The following EML6 variants were observed in gnomAD, a reference collection of about 807,000 sequenced individuals.
EML6 encodes EMAP like 6.
EML6 carries 154 observed loss-of-function variants against 240.1 expected under a neutral mutation model. The ratio of observed to expected loss-of-function variants is 0.64; its 90% confidence interval spans 0.56 to 0.73. The LOEUF is 0.73. Ranked by LOEUF, EML6 falls within the 30% of genes least tolerant of loss-of-function variation. EML6 has a pLI of 0.00. For missense variants in EML6, 2,964 were observed against 2,474.6 expected, an observed-to-expected ratio of 1.20 and a Z score of -4.20; for synonymous variants, 1,148 against 899.0, an observed-to-expected ratio of 1.28 and a Z score of -4.95.
Position 54,725,103 on chromosome 2 carries a change from G to A in EML6, c.42G>A (p.Glu14=). 6.5e-7 allele frequency: 1 copy of A among 1,534,060 alleles called. No homozygotes were observed. The highest frequency in any genetic ancestry group is 2.0e-5 in the Admixed American group (1 of 49,652). ...CGCCCCGCTGCCAGCTCCGGCTGGA[G>A]TGGGTGTACGGGTACCGGGGTCACC... ...RTAPRCQLRL[E]WVYGYRGHQC... Residue 14 remains glutamate (E), a synonymous_variant, in exon 2 of 42, where the codon GAG becomes GAA. Transcript: ENST00000356458. The surrounding 1 kb of genome is among the most constrained non-coding windows in gnomAD (Gnocchi z 4.3).
chr2:54,775,991 A>G (rs551384707), intron 2 of EML6, among the ~76,000 whole-genome samples: 1 of 152,140 alleles, frequency 6.6e-6, no homozygotes, highest in African/African-American at 2.4e-5. Flanking sequence ...TTGGTTTGCC[A>G]TTATGTATTC....
At chr2:54,865,464 T>A (rs963273892) in intron 13 of EML6, among the ~76,000 whole-genome samples, 3 of 152,162 alleles carry the variant, frequency 2.0e-5, no homozygotes, top group African/African-American at 7.2e-5. Flanking sequence ...ACCCTGTCTC[T>A]AAGAAAAATA....
rs80129390 is a variant in EML6, at chr2:54,778,580, T to A, written c.198-34652T>A. 3.9e-3 allele frequency among the ~76,000 whole-genome samples: 588 copies of A among 152,130 alleles called. 2 individuals are homozygous for A. Among genetic ancestry groups the A allele is most frequent in the Non-Finnish European group, 4.4e-3 (296 of 67,968 alleles). On this transcript the variant is annotated intron_variant, in intron 2 of 41. Coordinates refer to ENST00000356458, the MANE Select transcript of EML6 (RefSeq NM_001039753.4). ...CTTTTTATTGTGGAAGAGAAAAAAC[T>A]AAAATATAATTAGAAGTGCATTGTT...
At chr2:54,916,994 G>A in intron 26 of EML6, 59 bp downstream of exon 26, 1 of 1,274,366 alleles carries the variant, frequency 7.8e-7, no homozygotes, top group Non-Finnish European at 1.1e-6. Flanking sequence ...CTTAAATATT[G>A]TATCTAAGTG....
chr2:54,742,535 C>T (rs1452878815), intron 2 of EML6, among the ~76,000 whole-genome samples: 2 of 152,220 alleles, frequency 1.3e-5, no homozygotes, highest in East Asian at 3.8e-4. Context: ...AAACACGTCT[C>T]AATTCTGCTA....
rs1668240284 is a variant in EML6, at chr2:54,767,634, G to GTGTA, written c.197+42379_197+42380insATGT. On this transcript the variant is annotated intron_variant, in intron 2 of 41. Transcript: ENST00000356458. ...TGTGTGTGTGTGTGTGTGTGTGTAT[G>GTGTA]TGTGTGTGTGTATGTTGCAAAAATA... 2.8e-5 allele frequency among the ~76,000 whole-genome samples: 3 copies of GTGTA among 106,986 alleles called. No individual in the cohort carries two copies. The South Asian group carries it at 1.0e-3, about 36-fold the overall frequency. The allele number at this position is 106,986 out of a possible 152,430, so 70.2% of individuals were successfully genotyped here. A position where few individuals can be genotyped will look rare whatever the true frequency, so the allele number is the denominator to read the frequency against.
chr2:54,772,816 T>C (rs1470328339), intron 2 of EML6, among the ~76,000 whole-genome samples: 2 of 152,240 alleles, frequency 1.3e-5, no homozygotes, highest in Non-Finnish European at 2.9e-5. Flanking sequence ...CACAGGACTG[T>C]TAACAGCTGT....
intron 14 of EML6, 109 bp downstream of exon 14, chr2:54,866,993 C>A: frequency 3.3e-6 from 2 of 612,752 alleles, no homozygotes; most frequent in South Asian, 2.2e-5. Flanking sequence ...TCGTCCTCCT[C>A]CTGGCTAGCT....
Position 54,900,836 on chromosome 2 carries a change from G to C in EML6, c.3124+1054G>C, listed in dbSNP as rs190386701. On this transcript the variant is annotated intron_variant, in intron 22 of 41. Coordinates refer to ENST00000356458, the MANE Select transcript of EML6 (RefSeq NM_001039753.4). ...GTGAAAGGACAAACTAAAGATATTT[G>C]GCACAAAGTACCCTGGAGCCTCAGA... is the stretch of plus-strand genomic sequence containing the variant. Among the ~76,000 whole-genome samples, 262 of 152,236 alleles carry C rather than the reference G, an allele frequency of 1.7e-3. 1 individual carries two copies. The highest frequency in any genetic ancestry group is 6.1e-3 in the African/African-American group (253 of 41,544).
rs529853262 is a variant in EML6 at position 54,831,507 on chromosome 2, G to A, written c.847+2030G>A. 6.6e-5 allele frequency among the ~76,000 whole-genome samples: 10 copies of A among 152,026 alleles called. No individual in the cohort carries two copies. The South Asian group carries it at 1.5e-3, about 22-fold the overall frequency. The stretch of plus-strand genomic sequence containing the variant: ...CATCTACAGAGTTAGGACAGTCAGC[G>A]ACGCCCTCCGTTATACATCAGTCTC... On this transcript the variant is annotated intron_variant, in intron 7 of 41. Coordinates refer to ENST00000356458, the MANE Select transcript of EML6 (RefSeq NM_001039753.4).
At chr2:54,857,026 G>C (rs1168564479) in intron 11 of EML6, among the ~76,000 whole-genome samples, 2 of 152,140 alleles carry the variant, frequency 1.3e-5, no homozygotes, top group African/African-American at 4.8e-5. Context: ...GGAAAAGAAA[G>C]TAATCAAGGA....
intron 32 of EML6, among the ~76,000 whole-genome samples, chr2:54,957,394 C>T (rs955703449): frequency 6.7e-6 from 1 of 148,890 alleles, no homozygotes; most frequent in African/African-American, 2.5e-5. Context: ...GAATGTGAGT[C>T]CCAGTGGCCC....
intron 28 of EML6, among the ~76,000 whole-genome samples, chr2:54,941,339 C>T (rs779433115): frequency 3.9e-5 from 6 of 152,072 alleles, no homozygotes; most frequent in Non-Finnish European, 8.8e-5. Context: ...CTTATTTAAT[C>T]AGGAGATCTG....
At chr2:54,895,965 A>G (rs1323359425) in intron 21 of EML6, among the ~76,000 whole-genome samples, 1 of 152,240 alleles carries the variant, frequency 6.6e-6, no homozygotes, top group Non-Finnish European at 1.5e-5. Context: ...ATAACATTCC[A>G]TTGCCTTTGC....
At chr2:54,935,478 T>C (rs1675088123) in intron 28 of EML6, among the ~76,000 whole-genome samples, 1 of 152,236 alleles carries the variant, frequency 6.6e-6, no homozygotes, top group African/African-American at 2.4e-5. Flanking sequence ...TGCATAACTT[T>C]TTAAAAATCA....
At chr2:54,778,485 C>A (rs1331101702) in intron 2 of EML6, among the ~76,000 whole-genome samples, 1 of 152,136 alleles carries the variant, frequency 6.6e-6, no homozygotes, top group Non-Finnish European at 1.5e-5. Context: ...TGAGGATTAC[C>A]ATCATGGCCA....
intron 32 of EML6, among the ~76,000 whole-genome samples, chr2:54,954,773 A>G (rs1676154692): frequency 6.6e-6 from 1 of 152,204 alleles, no homozygotes; most frequent in South Asian, 2.1e-4. Context: ...TCTTAGAACT[A>G]AAGATGTGCA....
intron 2 of EML6, among the ~76,000 whole-genome samples, chr2:54,799,706 A>G (rs11885773): frequency 0.88 from 134,041 of 152,214 alleles, 59,154 homozygotes; most frequent in African/African-American, 0.93. Flanking sequence ...CCATATGACC[A>G]TCAAAGAGTA....
chr2:54,924,635 C>T (rs1174704895), intron 26 of EML6, among the ~76,000 whole-genome samples: 1 of 152,270 alleles, frequency 6.6e-6, no homozygotes, highest in African/African-American at 2.4e-5. Flanking sequence ...GATCTCGGCT[C>T]ACTGCAACCT....
Sources: allele counts gnomAD v4.1 joint callset (sites outside exome capture counted in the v4.1 genomes callset), GRCh38; gene constraint gnomAD v4.1.1; non-coding constraint Gnocchi (gnomAD v3.1); transcripts MANE v1.5; gene names NCBI Gene and HGNC (gene_info 2026-07-23, HGNC 2026-07-21).